Variants in PRR14L observed in about 807,000 individuals in gnomAD.
PRR14L encodes the protein proline rich 14 like.
In PRR14L, 80 loss-of-function variants were observed where a neutral mutation model predicts 155.0. The ratio of observed to expected loss-of-function variants is 0.52; its 90% CI spans 0.43 to 0.62. The LOEUF is 0.62. PRR14L is among the 20% of genes least tolerant of loss of function. The pLI is 0.00. For missense variants in PRR14L, 2,469 were observed against 2,548.0 expected (o/e 0.97, Z 0.67); for synonymous variants, 883 against 916.0 (o/e 0.96, Z 0.65).
intron 3 of PRR14L, among the ~76,000 whole-genome samples, chr22:31,725,245 A>C (rs949692469): frequency 3.3e-5 from 5 of 152,046 alleles, no homozygotes; most frequent in African/African-American, 1.2e-4. Flanking sequence ...ATACAAAAAA[A>C]AATTTACAAA....
chr22:31,708,631 G>A (rs1403727027), intron 4 of PRR14L, among the ~76,000 whole-genome samples: 2 of 150,746 alleles, frequency 1.3e-5, no homozygotes, highest in Non-Finnish European at 3.0e-5. Flanking sequence ...CTGGCCACCA[G>A]CAGTCTTGTT....
rs1449729863 is a variant in PRR14L at position 31,715,310 on chromosome 22, T to A, written c.2529A>T (p.Glu843Asp). The change falls in exon 4 of 9, where the codon GAA becomes GAT. Residue 843 changes from glutamate to aspartate, a missense_variant. This residue lies in a region of PRR14L where 2,363 missense variants were observed against 2,371.6 expected (regional missense o/e 1.00). Transcript: ENST00000327423. ...TGTAACTCACTTTACAGCTGCTTTT[T>A]TCCACAGAGTGTCCTGTTCCTTGGC... is the stretch of plus-strand genomic sequence containing the variant. ...HCCQGTGHSV[E>D]KSSCKVSYTS... The A allele has an allele frequency of 2.6e-6, 4 of 1,552,172 alleles. No individual in the cohort carries two copies. In the East Asian group the frequency reaches 9.8e-5, roughly 38 times the overall value.
chr22:31,718,948 C>A (rs1274887222), intron 3 of PRR14L, among the ~76,000 whole-genome samples: 1 of 152,062 alleles, frequency 6.6e-6, no homozygotes, highest in African/African-American at 2.4e-5. Flanking sequence ...GTGGCACATG[C>A]CTGTAATCCC....
intron 3 of PRR14L, among the ~76,000 whole-genome samples, chr22:31,718,551 G>A (rs1052962674): frequency 4.0e-5 from 6 of 151,178 alleles, no homozygotes; most frequent in Non-Finnish European, 7.4e-5. Context: ...ACCACGCCCG[G>A]CCTGCCCAGC....
intron 2 of PRR14L, among the ~76,000 whole-genome samples, chr22:31,731,335 T>C (rs1276256990): frequency 6.6e-6 from 1 of 151,682 alleles, no homozygotes; most frequent in African/African-American, 2.4e-5. Flanking sequence ...GAGGCCGAGG[T>C]GGGCGGATCA....
Position 31,726,989 on chromosome 22 carries a change from G to A in PRR14L, c.475-1379C>T, listed in dbSNP as rs542391729. ...AATGACTTCCATAAGCTTTTCCAAGGCTATTGGAGCCTCTGTAAAGTGACA... is the reference window on the plus strand; with the variant it reads ...AATGACTTCCATAAGCTTTTCCAAGACTATTGGAGCCTCTGTAAAGTGACA... On this transcript the variant is annotated intron_variant, in intron 2 of 8. Coordinates refer to ENST00000327423, the MANE Select transcript of PRR14L (RefSeq NM_173566.3). 2.1e-3 allele frequency among the ~76,000 whole-genome samples: 327 copies of A among 152,198 alleles called. 2 individuals carry two copies. The highest frequency in any genetic ancestry group is 7.7e-3 in the African/African-American group (318 of 41,534).
Position 31,712,596 on chromosome 22 carries a change from G to A in PRR14L, c.5243C>T (p.Ala1748Val), listed in dbSNP as rs757156718. The A allele has an allele frequency of 1.3e-6, 2 of 1,551,700 alleles. No homozygotes were observed. The highest frequency in any genetic ancestry group is 1.7e-6 in the Non-Finnish European group (2 of 1,146,978). ...CGGGCACTGGAGGGCCTCTCCTAAG[G>A]CAAGCCTTGCCGGAGCACAGTGCTC... ...FPEHCAPARL[A>V]LGEALQCPSQ... Residue 1748 changes from alanine to valine, a missense_variant, in exon 4 of 9, where the codon GCC becomes GTC. Around this residue, in one of 2 missense-constraint regions of PRR14L, gnomAD observed 2,363 missense variants for 2,371.6 expected, o/e 1.00. Coordinates refer to ENST00000327423, the MANE Select transcript of PRR14L (RefSeq NM_173566.3).
chr22:31,687,192 C>T (rs2074486469), intron 8 of PRR14L, among the ~76,000 whole-genome samples: 1 of 151,750 alleles, frequency 6.6e-6, no homozygotes, highest in Non-Finnish European at 1.5e-5. Context: ...TGTGTGCCAC[C>T]ACGCCTGGGT....
chr22:31,702,963 G>A (rs1601497288), intron 6 of PRR14L, among the ~76,000 whole-genome samples: 1 of 151,804 alleles, frequency 6.6e-6, no homozygotes, highest in Non-Finnish European at 1.5e-5. Context: ...CTGCAGGTGT[G>A]CACCACCACA....
At chr22:31,690,630 C>T (rs989045012) in intron 7 of PRR14L, among the ~76,000 whole-genome samples, 1 of 151,580 alleles carries the variant, frequency 6.6e-6, no homozygotes, top group East Asian at 1.9e-4. Flanking sequence ...GACCTATAGT[C>T]CCTGGCTAAT....
Position 31,714,220 on chromosome 22 carries a change from C to CA in PRR14L, c.3618dup (p.Glu1207Ter), listed in dbSNP as rs1368212526. 6.4e-7 allele frequency: 1 copy of CA among 1,551,616 alleles called. No homozygotes were observed. Among genetic ancestry groups the CA allele is most frequent in the East Asian group, 2.4e-5 (1 of 40,922 alleles). The stretch of plus-strand genomic sequence containing the variant: ...CCAAAGGTACTTTCTTTGCCAAACT[C>CA]AGAGTTTGGTTCTAGTCTTGATCCT... On this transcript the variant is annotated frameshift_variant, in exon 4 of 9. Coordinates refer to ENST00000327423, the MANE Select transcript of PRR14L (RefSeq NM_173566.3). LOFTEE classifies it high-confidence loss of function.
chr22:31,715,223 G>A lies in PRR14L; in HGVS notation c.2616C>T (p.Ile872=), dbSNP rs1366008773. 6.4e-7 allele frequency: 1 copy of A among 1,552,116 alleles called. No individual in the cohort carries two copies. Among genetic ancestry groups the A allele is most frequent in the Non-Finnish European group, 8.7e-7 (1 of 1,147,120 alleles). ...ACAAGCCTGCTACCATTTTGTTTCT[G>A]ATCTTATCTCCTGGAAGGCTGCCAT... The part of the protein sequence containing the change: ...ETNGSLPGDK[I]RNKMVAGLLN... Residue 872 remains isoleucine, a synonymous_variant, in exon 4 of 9, where the codon ATC becomes ATT. Coordinates refer to ENST00000327423, the MANE Select transcript of PRR14L (RefSeq NM_173566.3).
intron 7 of PRR14L, among the ~76,000 whole-genome samples, chr22:31,694,201 T>C (rs1264147298): frequency 6.6e-6 from 1 of 152,088 alleles, no homozygotes; most frequent in African/African-American, 2.4e-5. Context: ...CGCTTGAACT[T>C]GGTAGGCAGA....
intron 7 of PRR14L, among the ~76,000 whole-genome samples, chr22:31,696,984 G>A (rs1045212378): frequency 6.6e-6 from 1 of 152,092 alleles, no homozygotes; most frequent in Non-Finnish European, 1.5e-5. Flanking sequence ...GTGTGGTGGC[G>A]TGTGCCTGTG....
chr22:31,687,976 G>A (rs1047332908), intron 8 of PRR14L, among the ~76,000 whole-genome samples, 180 bp downstream of exon 8: 1 of 149,582 alleles, frequency 6.7e-6, no homozygotes, highest in Admixed American at 6.7e-5. Flanking sequence ...AGCTTGCAGT[G>A]AGCCGAGATT....
chr22:31,717,382 G>T, intron 3 of PRR14L, 91 bp from the exon 4 acceptor site: 1 of 997,854 alleles, frequency 1.0e-6, no homozygotes, highest in Non-Finnish European at 1.4e-6. Flanking sequence ...TGCTACCAAG[G>T]GCAACAGAAG....
chr22:31,699,870 GTT>G (rs76015424), intron 7 of PRR14L, among the ~76,000 whole-genome samples: 3 of 142,724 alleles, frequency 2.1e-5, no homozygotes, highest in Admixed American at 7.0e-5. Context: ...AGCTTCAAGG[GTT>G]TTTTTTTTTT....
intron 3 of PRR14L, among the ~76,000 whole-genome samples, chr22:31,724,577 T>C (rs1489458112): frequency 6.6e-6 from 1 of 152,124 alleles, no homozygotes; most frequent in Non-Finnish European, 1.5e-5. Context: ...TTTGCATTTT[T>C]TGTAGAGAAG....
intron 8 of PRR14L, among the ~76,000 whole-genome samples, chr22:31,687,668 ACCC>A (rs1569497001): frequency 6.6e-6 from 1 of 151,594 alleles, no homozygotes; most frequent in African/African-American, 2.4e-5. Context: ...TCTTTACGTA[ACCC>A]AATACACTTT....
Sources: allele counts gnomAD v4.1 joint callset (sites outside exome capture counted in the v4.1 genomes callset), GRCh38; gene constraint gnomAD v4.1.1; regional missense constraint gnomAD v4.1.1; transcripts MANE v1.5; gene names NCBI Gene and HGNC (gene_info 2026-07-23, HGNC 2026-07-21).